Variants in PRKCQ observed in about 807,000 individuals in gnomAD.
PRKCQ encodes protein kinase C theta type.
PRKCQ carries 41 observed loss-of-function variants against 91.2 expected under a neutral mutation model. The observed-to-expected ratio is 0.45, with a 90% CI of 0.35 to 0.58. PRKCQ has a LOEUF of 0.58. Among genes scored for constraint, PRKCQ ranks in the 20% least tolerant of loss-of-function variants. PRKCQ has a pLI of 0.00. For missense variants in PRKCQ, 673 were observed against 896.5 expected, an observed-to-expected ratio of 0.75 and a Z score of 3.18; for synonymous variants, 307 against 316.9, an observed-to-expected ratio of 0.97 and a Z score of 0.33.
At chr10:6,500,957 A>G (rs1270107250) in intron 4 of PRKCQ, among the ~76,000 whole-genome samples, 1 of 152,202 alleles carries the variant, frequency 6.6e-6, no homozygotes, top group Non-Finnish European at 1.5e-5. Flanking sequence ...AGATATGTGT[A>G]CCCATATTTT....
At chr10:6,531,151 G>A (rs376055840) in intron 1 of PRKCQ, among the ~76,000 whole-genome samples, 4 of 152,160 alleles carry the variant, frequency 2.6e-5, no homozygotes, top group South Asian at 2.1e-4. Context: ...GAGCTGCTGG[G>A]TGAGAAGCTC....
At chr10:6,470,120 T>G (rs1835876819) in intron 12 of PRKCQ, among the ~76,000 whole-genome samples, 1 of 152,248 alleles carries the variant, frequency 6.6e-6, no homozygotes, top group South Asian at 2.1e-4. Flanking sequence ...CTGTATTGTC[T>G]GTTCCTCCTC....
intron 1 of PRKCQ, among the ~76,000 whole-genome samples, chr10:6,568,923 C>A (rs149815921): frequency 6.6e-6 from 1 of 152,086 alleles, no homozygotes; most frequent in South Asian, 2.1e-4. Context: ...AGTCACCTCC[C>A]GGAATTCTAA....
At chr10:6,411,156 C>A in the PRKCQ span, among the ~76,000 whole-genome samples, 3 of 152,226 alleles carry the variant, frequency 2.0e-5, no homozygotes, top group Middle Eastern at 3.4e-3. Context: ...CTACATAGTT[C>A]ATAGAGGGAC....
In PRKCQ at chr10:6,486,151, G is replaced by T; in HGVS notation, c.791-7C>A. 6.2e-7 allele frequency: 1 copy of T among 1,612,150 alleles called. No homozygotes were observed. The highest frequency in any genetic ancestry group is 1.1e-5 in the South Asian group (1 of 91,030). ...TGCACATTCATGCCACATGCTGGAA[G>T]GAAGAAGGCAGATAGTGAGCAAGAG... On this transcript the variant is annotated splice_polypyrimidine_tract_variant and splice_region_variant and intron_variant, in intron 8 of 17. Transcript: ENST00000263125.
intron 16 of PRKCQ, among the ~76,000 whole-genome samples, chr10:6,435,724 A>G (rs368009232): frequency 1.3e-5 from 2 of 152,200 alleles, no homozygotes; most frequent in Admixed American, 6.5e-5. Context: ...ATCACAAAAA[A>G]TGTCGTAATG....
At chr10:6,464,434 TATTTC>T (rs780894134) in intron 12 of PRKCQ, 30 bp from the exon 13 acceptor site, 13 of 1,512,212 alleles carry the variant, frequency 8.6e-6, no homozygotes, top group Admixed American at 3.8e-5. Flanking sequence ...TTCCAACTTT[TATTTC>T]ATTTCATTTT....
intron 15 of PRKCQ, among the ~76,000 whole-genome samples, chr10:6,452,471 C>T (rs1216139587): frequency 2.0e-5 from 3 of 151,726 alleles, no homozygotes; most frequent in Non-Finnish European, 2.9e-5. Context: ...TAGGAAGAAT[C>T]AATATCGTGA....
intron 1 of PRKCQ, among the ~76,000 whole-genome samples, chr10:6,532,623 A>C (rs1470314599): frequency 6.6e-6 from 1 of 152,240 alleles, no homozygotes; most frequent in Non-Finnish European, 1.5e-5. Flanking sequence ...ACAAGACACC[A>C]ATCTCTCAAG....
At chr10:6,454,049 T>G (rs1834871341) in intron 15 of PRKCQ, among the ~76,000 whole-genome samples, 1 of 152,144 alleles carries the variant, frequency 6.6e-6, no homozygotes, top group Non-Finnish European at 1.5e-5. Context: ...TATGCACATG[T>G]ACCCTAAAAC....
chr10:6,575,886 A>G (rs1841212016), intron 1 of PRKCQ, among the ~76,000 whole-genome samples: 1 of 152,196 alleles, frequency 6.6e-6, no homozygotes, highest in South Asian at 2.1e-4. Context: ...CTAAAAATAC[A>G]AAAGTTAGCT....
the PRKCQ span, among the ~76,000 whole-genome samples, chr10:6,418,826 C>G: frequency 6.6e-6 from 1 of 152,198 alleles, no homozygotes; most frequent in Non-Finnish European, 1.5e-5. Flanking sequence ...ATCTATCATC[C>G]ATCTATCTAC....
At chr10:6,469,602 T>C (rs552739402) in intron 12 of PRKCQ, among the ~76,000 whole-genome samples, 2 of 152,314 alleles carry the variant, frequency 1.3e-5, no homozygotes, top group South Asian at 2.1e-4. Context: ...GATTTGTGTT[T>C]AGGTATCTTG....
At chr10:6,447,866 G>A (rs1248918302) in intron 15 of PRKCQ, among the ~76,000 whole-genome samples, 1 of 152,172 alleles carries the variant, frequency 6.6e-6, no homozygotes, top group Non-Finnish European at 1.5e-5. Flanking sequence ...GGGCAGCATC[G>A]ACTTAGAATC....
intron 1 of PRKCQ, among the ~76,000 whole-genome samples, chr10:6,542,635 G>C (rs1839814849): frequency 6.6e-6 from 1 of 152,184 alleles, no homozygotes; most frequent in South Asian, 2.1e-4. Flanking sequence ...TAGTTCAACA[G>C]CTGGATCACT....
At chr10:6,487,343 G>A (rs1053072035) in intron 8 of PRKCQ, among the ~76,000 whole-genome samples, 1 of 152,178 alleles carries the variant, frequency 6.6e-6, no homozygotes, top group African/African-American at 2.4e-5. Context: ...CACATAAGAT[G>A]TTAAAGAAAA....
At chr10:6,415,006 AG>A in the PRKCQ span, among the ~76,000 whole-genome samples, 1 of 152,066 alleles carries the variant, frequency 6.6e-6, no homozygotes, top group Non-Finnish European at 1.5e-5. Flanking sequence ...TCTGTCACCC[AG>A]GCTGGAGTGC....
intron 1 of PRKCQ, among the ~76,000 whole-genome samples, chr10:6,575,837 C>G (rs2182651): frequency 5.7e-4 from 87 of 152,048 alleles, no homozygotes; most frequent in Non-Finnish European, 1.1e-3. Context: ...GTCAAGAGAT[C>G]GAGACCATCT....
At chr10:6,395,074 T>C in the PRKCQ span, among the ~76,000 whole-genome samples, 2 of 148,524 alleles carry the variant, frequency 1.3e-5, no homozygotes, top group African/African-American at 2.5e-5. Context: ...TTTTTTTTTT[T>C]TTTTTTGAGA....
Sources: gnomAD v4.1 joint callset for allele counts (sites outside exome capture counted in the v4.1 genomes callset) on GRCh38, gnomAD v4.1.1 for gene constraint, MANE v1.5 for transcripts, NCBI Gene and HGNC (gene_info 2026-07-23, HGNC 2026-07-21) for gene names.